Variants in HSPH1 observed in about 807,000 individuals in gnomAD.
HSPH1 encodes heat shock protein 105 kDa.
A neutral mutation model predicts 100.0 loss-of-function variants in HSPH1; 40 were observed. That is an observed-to-expected ratio of 0.40 (90% CI 0.31 to 0.52). HSPH1 has a LOEUF of 0.52. Ranked by LOEUF, HSPH1 falls within the 20% of genes least tolerant of loss-of-function variation. The pLI is 0.54. For synonymous variants in HSPH1, 403 were observed against 344.0 expected (o/e 1.17, Z -1.90); for missense variants, 876 against 1,015.1 (o/e 0.86, Z 1.86).
chr13:31,162,077 A>G (rs1956946244), upstream of HSPH1: 4 of 1,536,100 alleles, frequency 2.6e-6, no homozygotes, highest in Non-Finnish European at 8.7e-7. Context: ...GTCCCCGGAG[A>G]ACGGCCGCCG....
At chr13:31,149,414 CTAAT>C (rs527510914) in intron 8 of HSPH1, among the ~76,000 whole-genome samples, 6 of 152,052 alleles carry the variant, frequency 3.9e-5, no homozygotes, top group Non-Finnish European at 5.9e-5. Context: ...TAAATATAAA[CTAAT>C]TATTTTCTTT....
At chr13:31,144,218 T>G (rs1478851844) in intron 11 of HSPH1, among the ~76,000 whole-genome samples, 2 of 152,180 alleles carry the variant, frequency 1.3e-5, no homozygotes, top group Admixed American at 6.6e-5. Context: ...GAAGCTCATC[T>G]AAGTTAGTAC....
chr13:31,162,045 G>C (rs1956944887), upstream of HSPH1: 6 of 1,536,152 alleles, frequency 3.9e-6, no homozygotes, highest in Middle Eastern at 1.7e-4. Context: ...CTTCTGGAAA[G>C]ATTCTACCCA....
rs1955860304 is a variant in HSPH1 at position 31,135,389 on chromosome 13, G to A, written c.*1929C>T. 1 of 152,130 alleles carries A rather than the reference G, an allele frequency of 6.6e-6. No homozygotes were observed. The highest frequency in any genetic ancestry group is 2.4e-5 in the African/African-American group (1 of 41,414). 9.4% of individuals were successfully genotyped at this position (152,130 alleles called of 1,614,324 possible). A position where few individuals can be genotyped will look rare whatever the true frequency, so the allele number is the denominator to read the frequency against. On this transcript the variant is annotated 3_prime_UTR_variant, in exon 18 of 18. Coordinates refer to ENST00000320027, the MANE Select transcript of HSPH1 (RefSeq NM_006644.4). ...GTGTATCTACTAAGTATACATTAAT[G>A]TGCATTAAAGACATTCAGAAAACAT...
At chr13:31,144,560 A>G (rs918804191) in intron 11 of HSPH1, among the ~76,000 whole-genome samples, 2 of 152,126 alleles carry the variant, frequency 1.3e-5, no homozygotes, top group African/African-American at 2.4e-5. Flanking sequence ...AGAGTTTCCT[A>G]ATTTTCTTTT....
At chr13:31,156,478 C>T (rs1260431461) in intron 2 of HSPH1, among the ~76,000 whole-genome samples, 2 of 151,734 alleles carry the variant, frequency 1.3e-5, no homozygotes, top group Non-Finnish European at 2.9e-5. Context: ...GCAGGAGAAT[C>T]GCTGGAACCT....
Position 31,138,269 on chromosome 13 carries a change from TA to T in HSPH1, c.2370+137del. 3 of 773,292 alleles carry T rather than the reference TA, an allele frequency of 3.9e-6. No homozygotes were observed. In the South Asian group the frequency reaches 4.9e-5, roughly 13 times the overall value. The allele number at this position is 773,292 out of a possible 1,614,324, so 47.9% of individuals were successfully genotyped here. Reference sequence around the variant, plus strand: ...AGGTCTTCTGTATTTTGTGACAGAATAATAGACTAAGAAAAGCTGGTTTCAG... The same window carrying T: ...AGGTCTTCTGTATTTTGTGACAGAATATAGACTAAGAAAAGCTGGTTTCAG... On this transcript the variant is annotated intron_variant, in intron 17 of 17. Coordinates refer to ENST00000320027, the MANE Select transcript of HSPH1 (RefSeq NM_006644.4).
chr13:31,146,426 C>T (rs926094632), intron 10 of HSPH1, among the ~76,000 whole-genome samples: 1 of 152,158 alleles, frequency 6.6e-6, no homozygotes, highest in Admixed American at 6.5e-5. Context: ...TCCTCCTACC[C>T]TACTTCTCCA....
At chr13:31,158,668 A>C (rs1054978435) in intron 2 of HSPH1, 138 bp downstream of exon 2, 13 of 599,642 alleles carry the variant, frequency 2.2e-5, no homozygotes, top group Non-Finnish European at 4.0e-5. Context: ...AAGGTTCATA[A>C]AGAATACTTG....
At chr13:31,154,586 A>T in intron 4 of HSPH1, 47 bp downstream of exon 4, 2 of 1,609,614 alleles carry the variant, frequency 1.2e-6, no homozygotes, top group Non-Finnish European at 1.7e-6. Flanking sequence ...TAATACAAAG[A>T]ACGCAAAAAT....
rs974156 is a variant in HSPH1, at chr13:31,161,538, G to A, written c.45C>T (p.Ile15=). ...GLDVGSQSCY[I]AVARAGGIET... is the part of the protein sequence containing the mutation. ...CGATGCCCCCGGCCCGGGCTACCGC[G>A]ATGTAGCAGCTCTGCGAGCCCACGT... is the stretch of plus-strand genomic sequence containing the variant. The change falls in exon 1 of 18, where the codon ATC becomes ATT. Residue 15 remains isoleucine (I), a synonymous_variant. Coordinates refer to ENST00000320027, the MANE Select transcript of HSPH1 (RefSeq NM_006644.4). The A allele has an allele frequency of 2.4e-5, 39 of 1,613,922 alleles. No homozygotes were observed. The highest frequency in any genetic ancestry group is 1.7e-4 in the Admixed American group (10 of 60,026).
intron 4 of HSPH1, 96 bp from the exon 5 acceptor site, chr13:31,153,047 G>C: frequency 1.2e-6 from 1 of 809,658 alleles, no homozygotes; most frequent in East Asian, 2.6e-5. Context: ...GTCCAGCTAA[G>C]TAGGTGCCTC....
chr13:31,148,771 C>A (rs1376730318), intron 8 of HSPH1, among the ~76,000 whole-genome samples: 3 of 152,020 alleles, frequency 2.0e-5, no homozygotes, highest in Non-Finnish European at 4.4e-5. Context: ...TCTAGAAATG[C>A]CTTGCTGATA....
intron 8 of HSPH1, among the ~76,000 whole-genome samples, chr13:31,148,712 A>G (rs889079767): frequency 3.9e-5 from 6 of 152,074 alleles, no homozygotes; most frequent in African/African-American, 1.4e-4. Context: ...GATAACGACA[A>G]TTAATCAATA....
chr13:31,138,137 C>G (rs1481963887), intron 17 of HSPH1, among the ~76,000 whole-genome samples: 1 of 152,108 alleles, frequency 6.6e-6, no homozygotes, highest in Admixed American at 6.6e-5. Context: ...ACACTTTGCA[C>G]ACTTGTTTAA....
upstream of HSPH1, chr13:31,162,222 C>T: frequency 1.2e-6 from 1 of 844,200 alleles, no homozygotes; most frequent in South Asian, 1.6e-5. Context: ...TCGGAATAGT[C>T]ACAATTTACT....
At chr13:31,155,456 T>A (rs1405281018) in intron 3 of HSPH1, 58 bp downstream of exon 3, 1 of 1,365,842 alleles carries the variant, frequency 7.3e-7, no homozygotes, top group Non-Finnish European at 1.0e-6. Flanking sequence ...CTCAAATAAG[T>A]TCGTATTTTT....
intron 11 of HSPH1, among the ~76,000 whole-genome samples, chr13:31,144,763 T>C (rs951420455): frequency 6.6e-6 from 1 of 152,162 alleles, no homozygotes; most frequent in African/African-American, 2.4e-5. Context: ...CAAAAGGTAC[T>C]AAAGAGATTG....
chr13:31,148,261 G>A, intron 9 of HSPH1, 113 bp downstream of exon 9: 1 of 1,013,214 alleles, frequency 9.9e-7, no homozygotes, highest in African/African-American at 1.7e-5. Context: ...AAAGATTCCA[G>A]GTAAATTAAT....
Sources: gnomAD v4.1 joint callset for allele counts (sites outside exome capture counted in the v4.1 genomes callset) on GRCh38, gnomAD v4.1.1 for gene constraint, MANE v1.5 for transcripts, NCBI Gene and HGNC (gene_info 2026-07-23, HGNC 2026-07-21) for gene names.